Variants in ATF7IP observed in about 807,000 individuals in gnomAD.
ATF7IP encodes activating transcription factor 7-interacting protein 1.
Under a neutral mutation model 106.4 loss-of-function variants are expected in ATF7IP, and 23 were observed. That is an observed-to-expected ratio of 0.22 (90% CI 0.16 to 0.31). ATF7IP has a LOEUF of 0.31. Ranked by LOEUF, ATF7IP falls within the 10% of genes least tolerant of loss-of-function variation. The pLI is 1.00. For synonymous variants in ATF7IP, 542 were observed against 539.0 expected (o/e 1.01, Z -0.08); for missense variants, 1,334 against 1,524.3 (o/e 0.88, Z 2.08).
intron 8 of ATF7IP, among the ~76,000 whole-genome samples, chr12:14,460,233 G>A (rs1007713296): frequency 6.6e-6 from 1 of 152,096 alleles, no homozygotes; most frequent in Non-Finnish European, 1.5e-5. Flanking sequence ...TTCAGAGACC[G>A]TTTTGATCCT....
At chr12:14,434,264 C>G (rs1942290311) in intron 2 of ATF7IP, 73 bp from the exon 3 acceptor site, 1 of 958,198 alleles carries the variant, frequency 1.0e-6, no homozygotes, top group African/African-American at 1.6e-5. Flanking sequence ...TGGATAGTGA[C>G]TAAAAATGTA....
At chr12:14,475,286 C>A (rs919533109) in intron 10 of ATF7IP, among the ~76,000 whole-genome samples, 32 of 152,316 alleles carry the variant, frequency 2.1e-4, no homozygotes, top group Middle Eastern at 6.8e-3. Context: ...ACACTGACTT[C>A]AGAGTCCTGG....
intron 1 of ATF7IP, among the ~76,000 whole-genome samples, chr12:14,408,038 A>G (rs1940696310): frequency 6.6e-6 from 1 of 152,048 alleles, no homozygotes; most frequent in Non-Finnish European, 1.5e-5. Flanking sequence ...AGAAACTTTA[A>G]TGTATTAGGA....
At chr12:14,457,670 A>G (rs1943481826) in intron 8 of ATF7IP, among the ~76,000 whole-genome samples, 3 of 152,202 alleles carry the variant, frequency 2.0e-5, no homozygotes, top group African/African-American at 7.2e-5. Flanking sequence ...TCCCTTTACA[A>G]TCTTAAAAAA....
intron 10 of ATF7IP, among the ~76,000 whole-genome samples, chr12:14,470,839 AT>A (rs1452688015): frequency 2.6e-5 from 4 of 152,228 alleles, no homozygotes; most frequent in African/African-American, 9.6e-5. Context: ...CTTGTAGTAT[AT>A]GATAATAAAT....
chr12:14,438,784 A>G (rs1369268585), intron 5 of ATF7IP, among the ~76,000 whole-genome samples: 1 of 152,210 alleles, frequency 6.6e-6, no homozygotes, highest in Non-Finnish European at 1.5e-5. Flanking sequence ...ATAAGGTCAC[A>G]GTCTGAAATA....
chr12:14,454,357 T>C (rs992877846), intron 6 of ATF7IP, among the ~76,000 whole-genome samples: 3 of 152,174 alleles, frequency 2.0e-5, no homozygotes, highest in African/African-American at 7.2e-5. Flanking sequence ...TCTCTGGTGC[T>C]CTATCAAGTT....
chr12:14,389,009 C>G (rs1939401634), intron 1 of ATF7IP, among the ~76,000 whole-genome samples: 1 of 152,170 alleles, frequency 6.6e-6, no homozygotes, highest in Admixed American at 6.5e-5. Context: ...ATTTGGTAAG[C>G]ATATGCTCAG....
rs1941788798 is a variant in ATF7IP, at chr12:14,425,400, C to G, written c.1485C>G (p.Leu495=). Residue 495 remains leucine (L), a synonymous_variant, in exon 2 of 15, where the codon CTC becomes CTG. Coordinates refer to ENST00000261168, the MANE Select transcript of ATF7IP (RefSeq NM_018179.5). ...ESLPKEAFLV[L]SDEEDISGEK... is the part of the protein sequence containing the mutation. ...TGCCAAAAGAAGCCTTTCTGGTCCT[C>G]TCTGATGAAGAGGATATTTCGGGTG... 1.9e-6 allele frequency: 3 copies of G among 1,608,934 alleles called. No homozygotes were observed. Among genetic ancestry groups the G allele is most frequent in the Non-Finnish European group, 2.5e-6 (3 of 1,178,700 alleles).
At position 14,424,412 on chromosome 12, in the gene ATF7IP, C is replaced by T; in HGVS notation, c.497C>T (p.Ser166Phe). ...GATCCCACCTCTAGCGAGCCCTCCT[C>T]TAGTGATGCTGCCTCTGGTGATGCA... ...SGDPTSSEPS[S>F]SDAASGDATS... Residue 166 changes from serine to phenylalanine, a missense_variant, in exon 2 of 15, where the codon TCT becomes TTT. Ser to Phe is a radical substitution (Grantham distance 155, BLOSUM62 -2). Coordinates refer to ENST00000261168, the MANE Select transcript of ATF7IP (RefSeq NM_018179.5). 1.2e-6 allele frequency: 2 copies of T among 1,613,950 alleles called. No individual in the cohort carries two copies. Among genetic ancestry groups the T allele is most frequent in the South Asian group, 2.2e-5 (2 of 91,074 alleles).
chr12:14,425,745 C>T (rs1022329974), intron 2 of ATF7IP, among the ~76,000 whole-genome samples: 2 of 152,154 alleles, frequency 1.3e-5, no homozygotes, highest in Non-Finnish European at 2.9e-5. Flanking sequence ...CACCATAACA[C>T]TGAGATAACA....
At chr12:14,455,446 G>A (rs548283961) in intron 6 of ATF7IP, among the ~76,000 whole-genome samples, 1 of 152,114 alleles carries the variant, frequency 6.6e-6, no homozygotes, top group Non-Finnish European at 1.5e-5. Flanking sequence ...CATATAAAAA[G>A]TAGCAAGATG....
chr12:14,407,673 C>A (rs944987410), intron 1 of ATF7IP, among the ~76,000 whole-genome samples: 1 of 152,022 alleles, frequency 6.6e-6, no homozygotes, highest in Non-Finnish European at 1.5e-5. Flanking sequence ...GTTGAAAAAT[C>A]AAAAATAGCG....
intron 5 of ATF7IP, among the ~76,000 whole-genome samples, chr12:14,438,669 A>G (rs942168939): frequency 4.6e-5 from 7 of 152,130 alleles, no homozygotes; most frequent in African/African-American, 1.7e-4. Context: ...GTGTGTCTGT[A>G]AATTTCCCCT....
Position 14,492,483 on chromosome 12 carries a change from T to A in ATF7IP, c.3281-3748T>A, listed in dbSNP as rs548351099. Among the ~76,000 whole-genome samples, 18 of 151,536 alleles carry A rather than the reference T, an allele frequency of 1.2e-4. No individual in the cohort carries two copies. The South Asian group carries it at 3.8e-3, about 32-fold the overall frequency. On this transcript the variant is annotated intron_variant, in intron 13 of 14. Transcript: ENST00000261168. ...GAGGCCTCCCCTTCATTCAAGGGGT[T>A]CTTGGTCTGTAAACTGGCTCAAGTC...
chr12:14,473,298 G>A (rs1045682715), intron 10 of ATF7IP, among the ~76,000 whole-genome samples: 2,520 of 135,906 alleles, frequency 0.019, 46 homozygotes, highest in South Asian at 0.043. Flanking sequence ...CTCTGTGTGT[G>A]TGTGTGTGTG....
chr12:14,370,100 G>A (rs1488449401), intron 1 of ATF7IP, among the ~76,000 whole-genome samples: 1 of 152,034 alleles, frequency 6.6e-6, no homozygotes, highest in African/African-American at 2.4e-5. Context: ...ACTATGCCCG[G>A]CTAATTTTGT....
chr12:14,370,991 A>T (rs982760668), intron 1 of ATF7IP, among the ~76,000 whole-genome samples: 6 of 151,778 alleles, frequency 4.0e-5, no homozygotes, highest in African/African-American at 1.5e-4. Context: ...AAAGATAAAA[A>T]ATTTTTATTT....
chr12:14,383,695 G>A (rs928435081), intron 1 of ATF7IP, among the ~76,000 whole-genome samples: 3 of 152,104 alleles, frequency 2.0e-5, no homozygotes, highest in Non-Finnish European at 2.9e-5. Context: ...TGGAACTACA[G>A]GTTCATATTA....
Sources: gnomAD v4.1 joint callset for allele counts (sites outside exome capture counted in the v4.1 genomes callset) on GRCh38, gnomAD v4.1.1 for gene constraint, MANE v1.5 for transcripts, NCBI Gene and HGNC (gene_info 2026-07-23, HGNC 2026-07-21) for gene names.